Variants in AMPH observed in about 807,000 individuals in gnomAD.
AMPH encodes amphiphysin, also known as amphiphysin (Stiff-Mann syndrome with breast cancer 128kD autoantigen).
AMPH carries 49 observed loss-of-function variants against 99.1 expected under a neutral mutation model. That is an observed-to-expected ratio of 0.49 (90% CI 0.39 to 0.63). The LOEUF (loss-of-function observed/expected upper bound fraction) is 0.63, where lower values mean the gene tolerates loss of function less well. Ranked by LOEUF, AMPH falls within the 20% of genes least tolerant of loss-of-function variation. AMPH has a pLI of 0.00. For missense variants in AMPH, 759 were observed against 863.4 expected (o/e 0.88, Z 1.52); for synonymous variants, 314 against 317.3 (o/e 0.99, Z 0.11).
intron 2 of AMPH, among the ~76,000 whole-genome samples, chr7:38,524,044 T>G (rs932142453): frequency 6.6e-6 from 1 of 152,182 alleles, no homozygotes; most frequent in Non-Finnish European, 1.5e-5. Flanking sequence ...CATTACAAAG[T>G]GATAAAAGTT....
At chr7:38,493,502 A>G (rs1033420760) in intron 4 of AMPH, among the ~76,000 whole-genome samples, 19 of 152,120 alleles carry the variant, frequency 1.2e-4, no homozygotes, top group African/African-American at 4.6e-4. Context: ...TAAGAAGATC[A>G]AAGAACTGGT....
chr7:38,470,216 AT>A (rs1171889177), intron 7 of AMPH, among the ~76,000 whole-genome samples: 1 of 152,140 alleles, frequency 6.6e-6, no homozygotes, highest in Non-Finnish European at 1.5e-5. Flanking sequence ...GACAAAAGTT[AT>A]TTTTAGAAAG....
intron 1 of AMPH, among the ~76,000 whole-genome samples, chr7:38,566,793 C>A (rs1290377729): frequency 6.6e-6 from 1 of 152,208 alleles, no homozygotes; most frequent in East Asian, 1.9e-4. Context: ...AAAAAATGCT[C>A]ATCATCACTG....
chr7:38,492,498 A>T (rs1379048354), intron 4 of AMPH, among the ~76,000 whole-genome samples: 2 of 152,180 alleles, frequency 1.3e-5, no homozygotes, highest in Non-Finnish European at 2.9e-5. Flanking sequence ...ACACTTTTAA[A>T]ATTTGCTTTT....
At chr7:38,624,762 C>T (rs535478986) in intron 1 of AMPH, among the ~76,000 whole-genome samples, 35 of 152,144 alleles carry the variant, frequency 2.3e-4, no homozygotes, top group African/African-American at 7.9e-4. Flanking sequence ...AGGCTGACTG[C>T]ATGTGCTTAT....
intron 19 of AMPH, among the ~76,000 whole-genome samples, chr7:38,390,819 C>T (rs937335000): frequency 2.0e-5 from 3 of 152,154 alleles, no homozygotes; most frequent in Non-Finnish European, 2.9e-5. Context: ...CCAGTTAAAA[C>T]GGAACCTGGC....
rs182400720 is a variant in AMPH, at chr7:38,400,990, A to C, written c.1399-6776T>G. 6.3e-3 allele frequency among the ~76,000 whole-genome samples: 964 copies of C among 152,332 alleles called. 1 individual carries two copies. The highest frequency in any genetic ancestry group is 9.8e-3 in the Non-Finnish European group (665 of 68,024). ...TTTATGGTAACATTTTGATATATTT[A>C]GTTGTATTCATTTTCTAATCATACA... On this transcript the variant is annotated intron_variant, in intron 17 of 20. Coordinates refer to ENST00000356264, the MANE Select transcript of AMPH (RefSeq NM_001635.4).
intron 1 of AMPH, among the ~76,000 whole-genome samples, chr7:38,557,507 T>C (rs1791409146): frequency 6.6e-6 from 1 of 152,216 alleles, no homozygotes; most frequent in Non-Finnish European, 1.5e-5. Flanking sequence ...TCCTTGCTGC[T>C]GCCACGTGAA....
chr7:38,553,188 G>A (rs181199363), intron 1 of AMPH, among the ~76,000 whole-genome samples: 6 of 152,282 alleles, frequency 3.9e-5, no homozygotes, highest in African/African-American at 9.6e-5. Context: ...TGCCTCTTCC[G>A]GCCTTGCAGT....
At chr7:38,417,544 T>A (rs2270294) in intron 17 of AMPH, among the ~76,000 whole-genome samples, 1 of 152,164 alleles carries the variant, frequency 6.6e-6, no homozygotes, top group African/African-American at 2.4e-5. Flanking sequence ...GAACAAAGCA[T>A]TAACAGGTCT....
chr7:38,551,186 A>G (rs899419065), intron 1 of AMPH, among the ~76,000 whole-genome samples: 1 of 152,168 alleles, frequency 6.6e-6, no homozygotes, highest in African/African-American at 2.4e-5. Flanking sequence ...AGGCAAATCT[A>G]TGTCAGATTT....
rs576118468 is a variant in AMPH at position 38,463,525 on chromosome 7, G to A, written c.750-412C>T. Among the ~76,000 whole-genome samples, 11 of 152,146 alleles carry A rather than the reference G, an allele frequency of 7.2e-5. No individual in the cohort carries two copies. In the South Asian group the frequency reaches 1.7e-3, roughly 23 times the overall value. ...AACATAAGCTGAATTGATTTTACTC[G>A]TTTCACTTTCTATTTACAAGAGAAT... On this transcript the variant is annotated intron_variant, in intron 9 of 20. Coordinates refer to ENST00000356264, the MANE Select transcript of AMPH (RefSeq NM_001635.4).
At chr7:38,466,123 A>G (rs2129010386) in intron 8 of AMPH, 50 bp downstream of exon 8, 2 of 1,428,150 alleles carry the variant, frequency 1.4e-6, no homozygotes, top group Non-Finnish European at 2.0e-6. Flanking sequence ...TCCAAAATAA[A>G]CCTTCCTTTA....
At chr7:38,535,653 T>G (rs965487870) in intron 1 of AMPH, among the ~76,000 whole-genome samples, 2 of 152,204 alleles carry the variant, frequency 1.3e-5, no homozygotes, top group Non-Finnish European at 2.9e-5. Flanking sequence ...TGAGCTTGTT[T>G]TCTTGCAACT....
intron 17 of AMPH, among the ~76,000 whole-genome samples, chr7:38,407,583 C>A (rs926599496): frequency 6.6e-6 from 1 of 151,764 alleles, no homozygotes; most frequent in African/African-American, 2.4e-5. Flanking sequence ...ATATAATAAA[C>A]CTGCACATGT....
chr7:38,392,111 T>A, intron 18 of AMPH, 94 bp from the exon 19 acceptor site: 1 of 1,308,798 alleles, frequency 7.6e-7, no homozygotes, highest in Non-Finnish European at 1.0e-6. Flanking sequence ...AGCCCAAAGC[T>A]GGGGCTGCCA....
chr7:38,602,115 T>C (rs1360203819), intron 1 of AMPH, among the ~76,000 whole-genome samples: 1 of 152,202 alleles, frequency 6.6e-6, no homozygotes, highest in Non-Finnish European at 1.5e-5. Context: ...ACAAGCCATC[T>C]GAGGACAGCC....
At chr7:38,547,681 T>C (rs1452606101) in intron 1 of AMPH, among the ~76,000 whole-genome samples, 1 of 152,156 alleles carries the variant, frequency 6.6e-6, no homozygotes, top group African/African-American at 2.4e-5. Flanking sequence ...CCCAAGGTGG[T>C]TGGGGCACAG....
chr7:38,396,874 C>T (rs1784685994), intron 17 of AMPH, among the ~76,000 whole-genome samples: 1 of 152,146 alleles, frequency 6.6e-6, no homozygotes, highest in Non-Finnish European at 1.5e-5. Context: ...ACACTAAGGA[C>T]CTAATAAAGT....
Sources: gnomAD v4.1 joint callset for allele counts (sites outside exome capture counted in the v4.1 genomes callset) on GRCh38, gnomAD v4.1.1 for gene constraint, MANE v1.5 for transcripts, NCBI Gene and HGNC (gene_info 2026-07-23, HGNC 2026-07-21) for gene names.